Variants in PREX2 observed in about 807,000 individuals in gnomAD.
The protein encoded by PREX2 is phosphatidylinositol 3,4,5-trisphosphate-dependent Rac exchanger 2 protein.
In PREX2, 107 loss-of-function variants were observed where a neutral mutation model predicts 203.2. The observed-to-expected ratio is 0.53, with a 90% CI of 0.45 to 0.62. The LOEUF (loss-of-function observed/expected upper bound fraction) is 0.62. PREX2 is among the 20% of genes least tolerant of loss of function. The probability of loss-of-function intolerance (pLI) is 0.00; values close to 1 mark genes in which losing one functional copy is unlikely to be tolerated. For synonymous variants in PREX2, 672 were observed against 663.6 expected (o/e 1.01, Z -0.19); for missense variants, 1,777 against 1,955.9 (o/e 0.91, Z 1.72).
chr8:68,126,927 T>C (rs904958004), intron 30 of PREX2, among the ~76,000 whole-genome samples: 1 of 151,244 alleles, frequency 6.6e-6, no homozygotes, highest in Non-Finnish European at 1.5e-5. Context: ...TATATATATA[T>C]ACACACATGT....
intron 35 of PREX2, among the ~76,000 whole-genome samples, chr8:68,183,044 G>A (rs1322540566): frequency 6.6e-6 from 1 of 151,974 alleles, no homozygotes. Flanking sequence ...ACGGTGTTGA[G>A]AGATGGAATG....
chr8:68,031,565 C>A (rs1423253881), intron 6 of PREX2, among the ~76,000 whole-genome samples: 5 of 152,114 alleles, frequency 3.3e-5, no homozygotes, highest in Non-Finnish European at 1.5e-5. Context: ...TGCAAAGAAA[C>A]CTCAAACATT....
intron 37 of PREX2, among the ~76,000 whole-genome samples, chr8:68,202,540 G>A (rs531380119): frequency 6.6e-6 from 1 of 152,314 alleles, no homozygotes; most frequent in African/African-American, 2.4e-5. Flanking sequence ...CAGGGAGACA[G>A]CAGGATTTTA....
chr8:68,022,934 T>G (rs1295392595), intron 4 of PREX2, among the ~76,000 whole-genome samples: 1 of 152,228 alleles, frequency 6.6e-6, no homozygotes, highest in African/African-American at 2.4e-5. Context: ...TTTTCGAAGT[T>G]CATTCTTGCT....
chr8:68,037,016 C>T (rs917686775), intron 6 of PREX2, among the ~76,000 whole-genome samples: 1 of 152,038 alleles, frequency 6.6e-6, no homozygotes, highest in Non-Finnish European at 1.5e-5. Flanking sequence ...TATAAAAAAA[C>T]TTTCTGAATA....
intron 8 of PREX2, among the ~76,000 whole-genome samples, chr8:68,048,883 T>C (rs1382628460): frequency 1.3e-5 from 2 of 152,004 alleles, no homozygotes; most frequent in African/African-American, 4.8e-5. Context: ...GTCGACTGAC[T>C]AGATAAACCA....
chr8:68,041,754 C>T (rs1162508646), intron 7 of PREX2, among the ~76,000 whole-genome samples: 2 of 151,890 alleles, frequency 1.3e-5, no homozygotes, highest in African/African-American at 4.8e-5. Context: ...TGTTTTAGTG[C>T]AATTATTAAA....
At chr8:68,171,647 C>G (rs185906716) in intron 35 of PREX2, among the ~76,000 whole-genome samples, 98 of 152,284 alleles carry the variant, frequency 6.4e-4, no homozygotes, top group African/African-American at 2.2e-3. Flanking sequence ...GTCGGCACAT[C>G]TCCCCATCCC....
chr8:68,179,380 T>A (rs1812042033), intron 35 of PREX2, among the ~76,000 whole-genome samples: 1 of 152,078 alleles, frequency 6.6e-6, no homozygotes, highest in South Asian at 2.1e-4. Context: ...TGGCCTATTA[T>A]ATATCTGTGT....
intron 37 of PREX2, among the ~76,000 whole-genome samples, chr8:68,214,684 A>C (rs561935478): frequency 6.6e-6 from 1 of 152,302 alleles, no homozygotes; most frequent in Non-Finnish European, 1.5e-5. Context: ...AGTTGGGAGA[A>C]GATGAAAAGC....
At chr8:68,074,807 A>G (rs1809298560) in intron 14 of PREX2, among the ~76,000 whole-genome samples, 1 of 152,188 alleles carries the variant, frequency 6.6e-6, no homozygotes, top group Admixed American at 6.5e-5. Flanking sequence ...CAGAGTAAAA[A>G]AACTGGCTCT....
rs188558326 is a variant in PREX2 at position 67,979,007 on chromosome 8, A to G, written c.141+26472A>G. Among the ~76,000 whole-genome samples the G allele has an allele frequency of 8.6e-4, 131 of 152,350 alleles. 1 individual carries two copies. The highest frequency in any genetic ancestry group is 2.7e-3 in the African/African-American group (112 of 41,584). ...AAAAATAGGAAATGTCCTTTCAATT[A>G]GACATTCTTGTTGAATTAATAACAG... is the stretch of plus-strand genomic sequence containing the variant. On this transcript the variant is annotated intron_variant, in intron 1 of 39. Coordinates refer to ENST00000288368, the MANE Select transcript of PREX2 (RefSeq NM_024870.4).
chr8:68,053,370 G>C, intron 9 of PREX2, 124 bp downstream of exon 9: 1 of 1,039,104 alleles, frequency 9.6e-7, no homozygotes, highest in Non-Finnish European at 1.4e-6. Context: ...TTAGGTTGGT[G>C]CAAAAGTTAT....
chr8:68,074,600 A>T (rs1256798271), intron 14 of PREX2, among the ~76,000 whole-genome samples: 1 of 152,228 alleles, frequency 6.6e-6, no homozygotes, highest in East Asian at 1.9e-4. Context: ...CTGCCTTGGA[A>T]AAGGCAGAAA....
chr8:68,094,840 A>G (rs1336037206), intron 21 of PREX2: 3 of 152,246 alleles, frequency 2.0e-5, no homozygotes, highest in Non-Finnish European at 4.4e-5. Flanking sequence ...GATCAGCCCC[A>G]CAAGGTTGCC....
Position 67,955,000 on chromosome 8 carries a change from C to T in PREX2, c.141+2465C>T, listed in dbSNP as rs557796381. Among the ~76,000 whole-genome samples, 118 of 151,828 alleles carry T rather than the reference C, an allele frequency of 7.8e-4. 1 individual carries two copies. Among genetic ancestry groups the T allele is most frequent in the African/African-American group, 1.9e-3 (79 of 41,416 alleles). On this transcript the variant is annotated intron_variant, in intron 1 of 39. Transcript: ENST00000288368. ...TCTACTAAAAATACAAAAAATTAGC[C>T]GGGCGTGGTGGTGGACACCTTTAAT...
At chr8:68,129,184 G>T (rs754664001) in intron 31 of PREX2, among the ~76,000 whole-genome samples, 31 of 152,190 alleles carry the variant, frequency 2.0e-4, no homozygotes, top group Non-Finnish European at 3.7e-4. Context: ...CATCTAGAAG[G>T]TTAGGCATAT....
intron 20 of PREX2, among the ~76,000 whole-genome samples, chr8:68,091,423 A>G (rs1809870231): frequency 6.6e-6 from 1 of 152,252 alleles, no homozygotes; most frequent in Admixed American, 6.5e-5. Context: ...AGATGCAGGC[A>G]GAACTTTACA....
intron 37 of PREX2, among the ~76,000 whole-genome samples, chr8:68,198,115 T>C (rs1812434659): frequency 6.6e-6 from 1 of 152,192 alleles, no homozygotes; most frequent in Admixed American, 6.5e-5. Flanking sequence ...GTTGTCCTTA[T>C]GTACAGTACA....
Sources: allele counts gnomAD v4.1 joint callset (sites outside exome capture counted in the v4.1 genomes callset), GRCh38; gene constraint gnomAD v4.1.1; transcripts MANE v1.5; gene names NCBI Gene and HGNC (gene_info 2026-07-23, HGNC 2026-07-21).